TMEFF2: variants seen among roughly 807,000 people sequenced by gnomAD.
The protein encoded by TMEFF2 is tomoregulin-2.
Under a neutral mutation model 53.8 loss-of-function variants are expected in TMEFF2, and 28 were observed. The observed-to-expected ratio is 0.52, with a 90% CI of 0.39 to 0.71. TMEFF2 has a LOEUF of 0.71. Among genes scored for constraint, TMEFF2 ranks in the 30% least tolerant of loss-of-function variants. The pLI is 0.00. For synonymous variants in TMEFF2, 162 were observed against 166.3 expected (o/e 0.97, Z 0.20); for missense variants, 353 against 455.2 (o/e 0.78, Z 2.04).
chr2:191,953,634 C>G, intron 9 of TMEFF2, 45 bp downstream of exon 9: 1 of 1,595,980 alleles, frequency 6.3e-7, no homozygotes, highest in Non-Finnish European at 8.5e-7. Context: ...AAAAGAGTAA[C>G]AATATATCCC....
At chr2:192,068,675 C>G (rs1425583880) in intron 4 of TMEFF2, among the ~76,000 whole-genome samples, 1 of 151,766 alleles carries the variant, frequency 6.6e-6, no homozygotes, top group Non-Finnish European at 1.5e-5. Flanking sequence ...AGGGCTTTAT[C>G]CTTTTCTTTT....
At chr2:192,162,515 TA>T (rs1690659057) in intron 4 of TMEFF2, among the ~76,000 whole-genome samples, 1 of 152,168 alleles carries the variant, frequency 6.6e-6, no homozygotes, top group Non-Finnish European at 1.5e-5. Flanking sequence ...TTCCAACTCA[TA>T]ATCTTTGTTG....
At chr2:192,108,354 AAGAC>A (rs1326726073) in intron 4 of TMEFF2, among the ~76,000 whole-genome samples, 1 of 151,922 alleles carries the variant, frequency 6.6e-6, no homozygotes, top group Admixed American at 6.6e-5. Context: ...ACATGTATGA[AAGAC>A]AGGGCATTAT....
At chr2:192,144,743 AC>A in intron 4 of TMEFF2, among the ~76,000 whole-genome samples, 1 of 152,110 alleles carries the variant, frequency 6.6e-6, no homozygotes, top group Middle Eastern at 3.4e-3. Context: ...TTTTTATGTT[AC>A]CTTTTTCAAA....
intron 4 of TMEFF2, among the ~76,000 whole-genome samples, chr2:192,146,167 A>G (rs1034704239): frequency 6.6e-6 from 1 of 152,036 alleles, no homozygotes; most frequent in African/African-American, 2.4e-5. Flanking sequence ...TTCCATCTCT[A>G]TGACAACTGC....
chr2:192,027,546 T>C (rs1015364871), intron 5 of TMEFF2, among the ~76,000 whole-genome samples: 5 of 152,112 alleles, frequency 3.3e-5, no homozygotes, highest in African/African-American at 9.7e-5. Flanking sequence ...ACATCTAAAA[T>C]GGTCCTCAAG....
At chr2:191,982,434 A>G (rs1216596039) in intron 7 of TMEFF2, among the ~76,000 whole-genome samples, 2 of 151,342 alleles carry the variant, frequency 1.3e-5, no homozygotes, top group Non-Finnish European at 2.9e-5. Flanking sequence ...TCCCATCTAC[A>G]TGGAAATGCC....
chr2:192,089,159 T>A (rs547463355), intron 4 of TMEFF2, among the ~76,000 whole-genome samples: 1 of 152,218 alleles, frequency 6.6e-6, no homozygotes, highest in East Asian at 1.9e-4. Context: ...TTAGGGTACC[T>A]AGACAAAGCT....
chr2:192,041,942 G>A (rs1687493326), intron 5 of TMEFF2, among the ~76,000 whole-genome samples: 1 of 152,086 alleles, frequency 6.6e-6, no homozygotes, highest in South Asian at 2.1e-4. Context: ...AGGTGCGGTG[G>A]CTCATGCCTG....
chr2:191,956,405 C>T, intron 7 of TMEFF2, 27 bp from the exon 8 acceptor site: 3 of 1,605,698 alleles, frequency 1.9e-6, no homozygotes, highest in Non-Finnish European at 2.5e-6. Context: ...AAGTAAGCAC[C>T]CCCTGTAAAT....
chr2:192,066,410 G>A (rs994898897), intron 4 of TMEFF2, among the ~76,000 whole-genome samples: 4 of 151,532 alleles, frequency 2.6e-5, no homozygotes, highest in African/African-American at 4.8e-5. Context: ...TAAACATAAC[G>A]GTTTACGGTT....
At chr2:192,088,361 A>G (rs1244949173) in intron 4 of TMEFF2, among the ~76,000 whole-genome samples, 1 of 152,112 alleles carries the variant, frequency 6.6e-6, no homozygotes. Flanking sequence ...ACTATGTCCA[A>G]TAGCTGGGGA....
chr2:192,091,885 ACCCTGT>A (rs1003525306), intron 4 of TMEFF2, among the ~76,000 whole-genome samples: 24 of 152,022 alleles, frequency 1.6e-4, no homozygotes, highest in African/African-American at 4.8e-4. Flanking sequence ...AGGTGCTGAA[ACCCTGT>A]CCTCACTCCA....
intron 4 of TMEFF2, among the ~76,000 whole-genome samples, chr2:192,123,534 A>G (rs1011652774): frequency 6.6e-6 from 1 of 152,178 alleles, no homozygotes; most frequent in Non-Finnish European, 1.5e-5. Context: ...CAGATGATCT[A>G]TATTAGGAGG....
At chr2:192,130,347 A>G (rs1425649819) in intron 4 of TMEFF2, among the ~76,000 whole-genome samples, 1 of 151,988 alleles carries the variant, frequency 6.6e-6, no homozygotes, top group Non-Finnish European at 1.5e-5. Flanking sequence ...TTTTTAGATG[A>G]AAATTTTAGA....
chr2:192,021,108 C>A (rs550080775), intron 5 of TMEFF2, among the ~76,000 whole-genome samples: 1 of 152,234 alleles, frequency 6.6e-6, no homozygotes, highest in South Asian at 2.1e-4. Flanking sequence ...TAAAGAGAGA[C>A]TGTATCTTTG....
intron 5 of TMEFF2, among the ~76,000 whole-genome samples, chr2:191,999,762 G>T (rs539476966): frequency 2.0e-5 from 3 of 151,714 alleles, no homozygotes; most frequent in Admixed American, 1.3e-4. Context: ...TAACATTTTG[G>T]GGGGGCCACA....
At chr2:192,116,219 G>A (rs1271554429) in intron 4 of TMEFF2, among the ~76,000 whole-genome samples, 1 of 151,938 alleles carries the variant, frequency 6.6e-6, no homozygotes. Context: ...ATTATGCCTA[G>A]TGAAATAAGC....
intron 4 of TMEFF2, among the ~76,000 whole-genome samples, chr2:192,117,535 T>C (rs1215097308): frequency 1.3e-5 from 2 of 152,008 alleles, no homozygotes; most frequent in Non-Finnish European, 2.9e-5. Flanking sequence ...GGAAGGAGAA[T>C]AGGGTCTGGA....
Sources: gnomAD v4.1 joint callset for allele counts (sites outside exome capture counted in the v4.1 genomes callset) on GRCh38, gnomAD v4.1.1 for gene constraint, MANE v1.5 for transcripts, NCBI Gene and HGNC (gene_info 2026-07-23, HGNC 2026-07-21) for gene names.